Variants in MTERF4 observed in about 807,000 individuals in gnomAD.
The protein encoded by MTERF4 is transcription termination factor 4, mitochondrial.
MTERF4 carries 17 observed loss-of-function variants against 22.5 expected under a neutral mutation model. That is an observed-to-expected ratio of 0.75 (90% CI 0.52 to 1.13). MTERF4 has a LOEUF of 1.13. Among genes scored for constraint, MTERF4 ranks in the 50% most tolerant of loss-of-function variants. The pLI, the probability that MTERF4 is intolerant of heterozygous loss-of-function variation, is 0.00. For missense variants in MTERF4, 420 were observed against 466.8 expected (o/e 0.90, Z 0.92); for synonymous variants, 165 against 175.3 (o/e 0.94, Z 0.47).
the MTERF4 span, chr2:241,063,712 C>A: frequency 5.9e-6 from 9 of 1,531,128 alleles, no homozygotes; most frequent in Non-Finnish European, 8.1e-6. Context: ...TAGGGGCTCC[C>A]TCCAGTGGGC....
chr2:241,073,483 AG>A lies in MTERF4; in HGVS notation n.2678del. The A allele has an allele frequency of 6.0e-6, 5 of 838,338 alleles. No homozygotes were observed. Among genetic ancestry groups the A allele is most frequent in the Non-Finnish European group, 9.9e-6 (5 of 502,532 alleles). 51.9% of individuals were successfully genotyped at this position (838,338 alleles called of 1,614,324 possible). ...AATCAGGAGGCACAGAGCCTACCTG[AG>A]GGGAGGCTGAGCACCAGGCACCCCG... On this transcript the variant is annotated non_coding_transcript_exon_variant, in exon 5 of 5. Transcript: ENST00000464344. The surrounding 1 kb of genome is among the most constrained non-coding windows in gnomAD (Gnocchi z 6.6).
chr2:241,085,892 T>C (rs2063551335), downstream of MTERF4, among the ~76,000 whole-genome samples: 2 of 132,092 alleles, frequency 1.5e-5, no homozygotes, highest in South Asian at 2.4e-4. Context: ...TTTGAGACAG[T>C]GTCTTGCTCT....
At chr2:241,084,653 CTT>C (rs760710477), downstream of MTERF4, among the ~76,000 whole-genome samples, 15 of 152,088 alleles carry the variant, frequency 9.9e-5, no homozygotes, top group Admixed American at 3.3e-4. Flanking sequence ...CAAAAATTAT[CTT>C]GTTTTAGATA....
At position 241,099,704 on chromosome 2, in the gene MTERF4, CTCCTGCACTCTGGT is replaced by C; in HGVS notation, c.198_211del (p.Pro67GlufsTer8). 1 of 1,614,238 alleles carries C rather than the reference CTCCTGCACTCTGGT, an allele frequency of 6.2e-7. No individual in the cohort carries two copies. The highest frequency in any genetic ancestry group is 1.1e-5 in the South Asian group (1 of 91,082). ...CTCAAGGAGGCACTGAACAAGATTCCTCCTGCACTCTGGTTCCTGCACATAGTTATTGGATCTAA... is the reference window on the plus strand; with the variant it reads ...CTCAAGGAGGCACTGAACAAGATTCCTCCTGCACATAGTTATTGGATCTAA... On this transcript the variant is annotated frameshift_variant, in exon 2 of 4. Coordinates refer to ENST00000391980, the MANE Select transcript of MTERF4 (RefSeq NM_182501.4). LOFTEE classifies it high-confidence loss of function.
chr2:241,082,192 C>G (rs2063360800), downstream of MTERF4: 1 of 1,093,832 alleles, frequency 9.1e-7, no homozygotes, highest in Admixed American at 2.0e-5. Flanking sequence ...GACCCCCGGG[C>G]CCTCTCCCTT....
chr2:241,073,353 A>AG lies in MTERF4; in HGVS notation n.2808dup, dbSNP rs1212310696. The stretch of plus-strand genomic sequence containing the variant: ...CTCCAGCTCCCTGAACACGGCAGCA[A>AG]GGACATCGGAAGTGAGTCAGCAGCG... On this transcript the variant is annotated non_coding_transcript_exon_variant, in exon 5 of 5. Coordinates refer to the MTERF4 transcript ENST00000464344. This position sits in a 1 kb window ranked among gnomAD's most constrained non-coding sequence, Gnocchi z 6.6. The AG allele has an allele frequency of 3.8e-6, 6 of 1,569,940 alleles. No homozygotes were observed. The African/African-American group carries it at 6.8e-5, about 18-fold the overall frequency.
chr2:241,071,121 G>A (rs531177154), downstream of MTERF4, among the ~76,000 whole-genome samples: 280 of 152,288 alleles, frequency 1.8e-3, no homozygotes, highest in African/African-American at 6.4e-3. Flanking sequence ...GCTGAAGGAC[G>A]CTGTTAGGGT....
downstream of MTERF4, chr2:241,071,276 G>A (rs1381595411): frequency 1.0e-5 from 5 of 478,232 alleles, no homozygotes; most frequent in Non-Finnish European, 1.9e-5. Context: ...AGCCCCTTGA[G>A]AACTTGAGTG....
At position 241,102,266 on chromosome 2, in the gene MTERF4, G is replaced by C; in HGVS notation, c.8C>G (p.Ala3Gly). Residue 3 changes from alanine (A) to glycine (G), a missense_variant, in exon 1 of 4, where the codon GCG becomes GGG. By Grantham distance (60) the Ala-to-Gly change is moderately conservative (BLOSUM62 0). Transcript: ENST00000391980. ...GCTCGAGCTTACCTGACGGCCGAACGCAGCCATAGCGCGGAGAAGATGGCA... is the reference window on the plus strand; with the variant it reads ...GCTCGAGCTTACCTGACGGCCGAACCCAGCCATAGCGCGGAGAAGATGGCA... MA[A>G]FGRQVLDWHR... The C allele has an allele frequency of 6.5e-7, 1 of 1,549,478 alleles. No homozygotes were observed. Among genetic ancestry groups the C allele is most frequent in the Non-Finnish European group, 8.7e-7 (1 of 1,146,064 alleles).
chr2:241,081,210 C>T (rs960022643), intron 4 of MTERF4, among the ~76,000 whole-genome samples: 12 of 152,154 alleles, frequency 7.9e-5, no homozygotes, highest in African/African-American at 2.9e-4. Flanking sequence ...TGAGAGTTCA[C>T]AGGAAACACA....
chr2:241,101,299 C>T (rs1559343148), intron 1 of MTERF4: 1 of 397,090 alleles, frequency 2.5e-6, no homozygotes, highest in Admixed American at 2.9e-5. Flanking sequence ...CCCTCAAAGG[C>T]GCAGTTCACA....
chr2:241,068,833 G>A (rs1575046481), downstream of MTERF4: 9 of 1,009,872 alleles, frequency 8.9e-6, no homozygotes, highest in East Asian at 1.9e-4. The surrounding 1 kb of genome is among the most constrained non-coding windows in gnomAD (Gnocchi z 5.3). Context: ...TCCTGCCTGG[G>A]GGAGCTGCGG....
At chr2:241,064,190 G>T in the MTERF4 span, 5 of 1,153,902 alleles carry the variant, frequency 4.3e-6, no homozygotes, top group Non-Finnish European at 6.0e-6. The surrounding 1 kb of genome is among the most constrained non-coding windows in gnomAD (Gnocchi z 7.0). Context: ...CTGCCCGCCT[G>T]CTGCCCGCCC....
chr2:241,067,842 T>C (rs1575043408), downstream of MTERF4: 1 of 1,613,342 alleles, frequency 6.2e-7, no homozygotes, highest in Non-Finnish European at 8.5e-7. Flanking sequence ...CTGCACAGGA[T>C]CCGCCATGCC....
chr2:241,080,679 C>T (rs139402127), intron 4 of MTERF4, among the ~76,000 whole-genome samples: 1,852 of 152,376 alleles, frequency 0.012, 34 homozygotes, highest in African/African-American at 0.041. Flanking sequence ...AAACAACTGA[C>T]AGCAATGGAC....
chr2:241,057,825 G>T, the MTERF4 span, among the ~76,000 whole-genome samples: 2 of 152,132 alleles, frequency 1.3e-5, no homozygotes, highest in African/African-American at 4.8e-5. Flanking sequence ...GTCCTTTTCT[G>T]AAAGAAGTAA....
the MTERF4 span, chr2:241,053,262 C>A: frequency 1.2e-6 from 2 of 1,602,526 alleles, no homozygotes. Flanking sequence ...ACAGCCTGAG[C>A]GCCCCCAGCC....
chr2:241,049,814 C>A, the MTERF4 span: 1 of 1,612,164 alleles, frequency 6.2e-7, no homozygotes, highest in South Asian at 1.1e-5. Flanking sequence ...CCCCCGCCCC[C>A]AGCCCTGCCA....
downstream of MTERF4, chr2:241,088,282 C>G: frequency 1.1e-6 from 1 of 947,544 alleles, no homozygotes; most frequent in Non-Finnish European, 1.7e-6. Flanking sequence ...AGGATCTCAG[C>G]AGGCAGCCTG....
Sources: allele counts gnomAD v4.1 joint callset (sites outside exome capture counted in the v4.1 genomes callset), GRCh38; gene constraint gnomAD v4.1.1; non-coding constraint Gnocchi (gnomAD v3.1); transcripts MANE v1.5; gene names NCBI Gene and HGNC (gene_info 2026-07-23, HGNC 2026-07-21).